Variants in MAP2K4 observed in about 807,000 individuals in gnomAD.
MAP2K4 encodes dual specificity mitogen-activated protein kinase kinase 4.
In MAP2K4, 4 loss-of-function variants were observed where a neutral mutation model predicts 48.5. That is an observed-to-expected ratio of 0.08 (90% CI 0.04 to 0.19). The LOEUF (loss-of-function observed/expected upper bound fraction) is 0.19, where lower values mean the gene tolerates loss of function less well. Ranked by LOEUF, MAP2K4 falls within the 10% of genes least tolerant of loss-of-function variation. The probability of loss-of-function intolerance (pLI) is 1.00; values close to 1 mark genes in which losing one functional copy is unlikely to be tolerated. For missense variants in MAP2K4, 258 were observed against 493.3 expected (o/e 0.52, Z 4.52); for synonymous variants, 166 against 173.1 (o/e 0.96, Z 0.32).
At chr17:12,122,995 C>T (rs1464688225) in intron 7 of MAP2K4, among the ~76,000 whole-genome samples, 1 of 152,122 alleles carries the variant, frequency 6.6e-6, no homozygotes, top group Non-Finnish European at 1.5e-5. Flanking sequence ...GGTCATGATA[C>T]ATTACCTCTT....
intron 2 of MAP2K4, among the ~76,000 whole-genome samples, chr17:12,076,529 TAATCTAACAA>T (rs1484622530): frequency 6.6e-6 from 1 of 152,228 alleles, no homozygotes; most frequent in Non-Finnish European, 1.5e-5. Flanking sequence ...TTTCAGATTT[TAATCTAACAA>T]GATAAATCTC....
intron 7 of MAP2K4, among the ~76,000 whole-genome samples, chr17:12,122,395 G>A (rs1029980338): frequency 2.0e-5 from 3 of 152,096 alleles, no homozygotes; most frequent in Non-Finnish European, 4.4e-5. Flanking sequence ...GTCCTTAACC[G>A]TGGCAAGATA....
chr17:12,101,310 C>A (rs1971929001), intron 4 of MAP2K4, among the ~76,000 whole-genome samples: 1 of 151,950 alleles, frequency 6.6e-6, no homozygotes, highest in Admixed American at 6.6e-5. Flanking sequence ...GTTGTCCATA[C>A]AGATGTGTGT....
At chr17:12,071,045 A>G (rs1000154446) in intron 2 of MAP2K4, among the ~76,000 whole-genome samples, 14 of 152,240 alleles carry the variant, frequency 9.2e-5, no homozygotes, top group Admixed American at 5.2e-4. Context: ...TGGCAGCATA[A>G]CCGTAATCTC....
intron 2 of MAP2K4, among the ~76,000 whole-genome samples, chr17:12,065,386 C>T (rs1008942818): frequency 6.6e-4 from 99 of 150,964 alleles, no homozygotes; most frequent in African/African-American, 2.4e-3. Flanking sequence ...GCAACCTCCG[C>T]CTACTGGGTT....
intron 7 of MAP2K4, chr17:12,115,872 T>G: frequency 3.0e-6 from 2 of 656,116 alleles, no homozygotes; most frequent in South Asian, 2.8e-5. Context: ...GTCGGCACCT[T>G]TGGACTGTGT....
chr17:12,057,109 GAC>G (rs1210423368), intron 2 of MAP2K4, among the ~76,000 whole-genome samples: 2 of 152,022 alleles, frequency 1.3e-5, no homozygotes, highest in African/African-American at 4.8e-5. Flanking sequence ...AAAATTGTAA[GAC>G]AGTGTTCTTT....
chr17:12,142,394 T>C lies in MAP2K4; in HGVS notation c.*1134T>C, dbSNP rs1204708462. On this transcript the variant is annotated 3_prime_UTR_variant, in exon 11 of 11. Transcript: ENST00000353533. ...CCCTTCCCCTGTGGTCTATTGTCGCTATGTGACTTGCGCTTAATCCAATAT... is the reference window on the plus strand; with the variant it reads ...CCCTTCCCCTGTGGTCTATTGTCGCCATGTGACTTGCGCTTAATCCAATAT... The C allele has an allele frequency of 4.3e-6, 1 of 233,128 alleles. No individual in the cohort carries two copies. Among genetic ancestry groups the C allele is most frequent in the Non-Finnish European group, 8.5e-6 (1 of 117,952 alleles). The allele number at this position is 233,128 out of a possible 1,614,324, so 14.4% of individuals were successfully genotyped here. A position where few individuals can be genotyped will look rare whatever the true frequency, so the allele number is the denominator to read the frequency against.
At position 12,107,823 on chromosome 17, in the gene MAP2K4, A is replaced by G; in HGVS notation, c.547A>G (p.Thr183Ala). The G allele has an allele frequency of 6.2e-7, 1 of 1,605,642 alleles. No individual in the cohort carries two copies. Among genetic ancestry groups the G allele is most frequent in the Non-Finnish European group, 8.5e-7 (1 of 1,176,624 alleles). Residue 183 changes from threonine (T) to alanine (A), a missense_variant, in exon 5 of 11, where the codon ACC becomes GCC. Physicochemically the swap from Thr to Ala is moderately conservative, Grantham distance 58. This residue lies in a region of MAP2K4 where 132 missense variants were observed against 352.8 expected (regional missense o/e 0.37). Transcript: ENST00000353533. ...TTGGATCTGTATGGAACTCATGTCT[A>G]CCTCGTTTGATAAGTTTTACAAATA... ...DCWICMELMS[T>A]SFDKFYKYVY...
chr17:12,125,257 A>G (rs1972819024), intron 7 of MAP2K4, 37 bp from the exon 8 acceptor site: 1 of 1,519,240 alleles, frequency 6.6e-7, no homozygotes, highest in Non-Finnish European at 9.1e-7. Context: ...CTTGAGTGTA[A>G]GGCAATTAAT....
intron 9 of MAP2K4, among the ~76,000 whole-genome samples, chr17:12,130,924 A>T (rs773750491): frequency 1.3e-5 from 2 of 152,136 alleles, no homozygotes; most frequent in Non-Finnish European, 1.5e-5. Context: ...ATATCTGATC[A>T]TGTTACTTCT....
intron 2 of MAP2K4, among the ~76,000 whole-genome samples, chr17:12,072,755 A>G (rs1164655318): frequency 6.6e-6 from 1 of 152,220 alleles, no homozygotes; most frequent in Non-Finnish European, 1.5e-5. Context: ...TAAAATACAC[A>G]TGTTCCTAAA....
rs376888511 is a variant in MAP2K4 at position 12,141,311 on chromosome 17, G to A, written c.*51G>A. ...AAAAAGGGCTGAGAGGAAGCAAGACGTAAAGAATTTTCATCCCGTATCACA... is the reference window on the plus strand; with the variant it reads ...AAAAAGGGCTGAGAGGAAGCAAGACATAAAGAATTTTCATCCCGTATCACA... On this transcript the variant is annotated 3_prime_UTR_variant, in exon 11 of 11. Transcript: ENST00000353533. The A allele has an allele frequency of 1.3e-5, 17 of 1,284,804 alleles. No individual in the cohort carries two copies. The highest frequency in any genetic ancestry group is 3.4e-5 in the Admixed American group (2 of 59,194). 79.6% of individuals were successfully genotyped at this position (1,284,804 alleles called of 1,614,324 possible). A position where few individuals can be genotyped will look rare whatever the true frequency, so the allele number is the denominator to read the frequency against.
chr17:12,034,392 C>G (rs1969530430), intron 1 of MAP2K4, among the ~76,000 whole-genome samples: 1 of 152,194 alleles, frequency 6.6e-6, no homozygotes. Context: ...ATATGTATTC[C>G]CACTTTGATT....
chr17:12,101,323 A>G (rs1329946639), intron 4 of MAP2K4, among the ~76,000 whole-genome samples: 3 of 151,898 alleles, frequency 2.0e-5, no homozygotes, highest in Non-Finnish European at 4.4e-5. Context: ...ATGTGTGTCT[A>G]TTTCTGGAGT....
At chr17:12,025,246 A>G (rs1379925332) in intron 1 of MAP2K4, among the ~76,000 whole-genome samples, 1 of 152,130 alleles carries the variant, frequency 6.6e-6, no homozygotes, top group Non-Finnish European at 1.5e-5. Flanking sequence ...ACTTTTCTCA[A>G]CTCTCTGTTC....
intron 2 of MAP2K4, among the ~76,000 whole-genome samples, chr17:12,071,969 G>A (rs1311662824): frequency 4.6e-5 from 7 of 152,072 alleles, no homozygotes; most frequent in Non-Finnish European, 7.4e-5. Context: ...ACTGTATTTG[G>A]GTATATTCTG....
At chr17:12,096,161 T>C (rs1250998235) in intron 4 of MAP2K4, among the ~76,000 whole-genome samples, 3 of 147,722 alleles carry the variant, frequency 2.0e-5, no homozygotes, top group Admixed American at 6.9e-5. Context: ...TAAACACTTA[T>C]GTGTCCCTGC....
At chr17:12,066,751 G>A (rs893314098) in intron 2 of MAP2K4, among the ~76,000 whole-genome samples, 3 of 152,056 alleles carry the variant, frequency 2.0e-5, no homozygotes, top group African/African-American at 4.8e-5. Flanking sequence ...GTGCTGTGGC[G>A]TGATCTCCGC....
Sources: gnomAD v4.1 joint callset for allele counts (sites outside exome capture counted in the v4.1 genomes callset) on GRCh38, gnomAD v4.1.1 for gene constraint, gnomAD v4.1.1 regional missense constraint, MANE v1.5 for transcripts, NCBI Gene and HGNC (gene_info 2026-07-23, HGNC 2026-07-21) for gene names.